The following SLC24A3 variants were observed in gnomAD, a reference collection of about 807,000 sequenced individuals.
SLC24A3 encodes sodium/potassium/calcium exchanger 3.
In SLC24A3, 28 loss-of-function variants were observed where a neutral mutation model predicts 75.8. That is an observed-to-expected ratio of 0.37 (90% confidence interval 0.27 to 0.51). The LOEUF is 0.51. Among genes scored for constraint, SLC24A3 ranks in the 20% least tolerant of loss-of-function variants. The pLI, the probability that SLC24A3 is intolerant of heterozygous loss-of-function variation, is 0.94. For missense variants in SLC24A3, 663 were observed against 847.8 expected (o/e 0.78, Z 2.71); for synonymous variants, 372 against 334.1 (o/e 1.11, Z -1.24).
chr20:19,525,735 C>T (rs567806124), intron 3 of SLC24A3, among the ~76,000 whole-genome samples: 3 of 152,154 alleles, frequency 2.0e-5, no homozygotes, highest in African/African-American at 7.2e-5. Context: ...CCTGTGACAA[C>T]ACACACCAGA....
At chr20:19,493,515 A>G (rs1025475929) in intron 2 of SLC24A3, among the ~76,000 whole-genome samples, 1 of 152,212 alleles carries the variant, frequency 6.6e-6, no homozygotes, top group African/African-American at 2.4e-5. Context: ...AATCATATGT[A>G]TGCTTCTTCA....
At chr20:19,651,422 C>T (rs1027151586) in intron 6 of SLC24A3, among the ~76,000 whole-genome samples, 20 of 143,560 alleles carry the variant, frequency 1.4e-4, no homozygotes, top group African/African-American at 4.6e-4. Flanking sequence ...TATATATCTG[C>T]TTTCCTCTCC....
chr20:19,638,824 C>A (rs1396897905), intron 6 of SLC24A3, among the ~76,000 whole-genome samples: 1 of 152,148 alleles, frequency 6.6e-6, no homozygotes, highest in Non-Finnish European at 1.5e-5. Flanking sequence ...CTTAAGTTGG[C>A]ACGTCTGGAG....
chr20:19,403,533 A>G (rs531604392), intron 2 of SLC24A3, among the ~76,000 whole-genome samples: 1 of 152,324 alleles, frequency 6.6e-6, no homozygotes, highest in Non-Finnish European at 1.5e-5. Flanking sequence ...CAATAATCAC[A>G]TTGATGTATT....
intron 2 of SLC24A3, among the ~76,000 whole-genome samples, chr20:19,492,673 T>C (rs1988225757): frequency 6.6e-6 from 1 of 152,234 alleles, no homozygotes; most frequent in Non-Finnish European, 1.5e-5. Context: ...AGAATTATTA[T>C]TTCCTGTATA....
chr20:19,561,680 C>T (rs1289871902), intron 3 of SLC24A3, among the ~76,000 whole-genome samples: 1 of 152,160 alleles, frequency 6.6e-6, no homozygotes, highest in Non-Finnish European at 1.5e-5. Flanking sequence ...AACTATCTAG[C>T]ACTTACTGAA....
intron 3 of SLC24A3, among the ~76,000 whole-genome samples, chr20:19,579,318 A>G (rs1318734108): frequency 6.6e-6 from 1 of 152,228 alleles, no homozygotes; most frequent in Non-Finnish European, 1.5e-5. Flanking sequence ...GTAGAATTCC[A>G]GGGAATACCC....
chr20:19,448,193 A>G (rs968972458), intron 2 of SLC24A3, among the ~76,000 whole-genome samples: 2 of 152,112 alleles, frequency 1.3e-5, no homozygotes, highest in African/African-American at 2.4e-5. Flanking sequence ...CAAACCCTCA[A>G]CGGTAGTTCA....
At chr20:19,380,104 A>G (rs546034853) in intron 2 of SLC24A3, among the ~76,000 whole-genome samples, 1 of 152,306 alleles carries the variant, frequency 6.6e-6, no homozygotes, top group African/African-American at 2.4e-5. Flanking sequence ...TATGCTTGCA[A>G]GTTTAGAAAA....
chr20:19,532,296 G>T (rs1351609831), intron 3 of SLC24A3, among the ~76,000 whole-genome samples: 1 of 152,154 alleles, frequency 6.6e-6, no homozygotes, highest in Non-Finnish European at 1.5e-5. Context: ...CTGGATACTT[G>T]CGGAAGGCCC....
At chr20:19,363,431 T>C (rs767074483) in intron 2 of SLC24A3, among the ~76,000 whole-genome samples, 2 of 152,242 alleles carry the variant, frequency 1.3e-5, no homozygotes, top group Non-Finnish European at 2.9e-5. Context: ...CTTAAGTTCA[T>C]TATCCAGAAT....
chr20:19,253,366 C>T (rs1015968578), intron 1 of SLC24A3, among the ~76,000 whole-genome samples: 8 of 152,190 alleles, frequency 5.3e-5, no homozygotes, highest in South Asian at 4.1e-4. Context: ...TGAAGGTGTG[C>T]GCAGCACAGG....
chr20:19,412,632 G>GA (rs1568611504), intron 2 of SLC24A3, among the ~76,000 whole-genome samples: 1 of 149,746 alleles, frequency 6.7e-6, no homozygotes, highest in Non-Finnish European at 1.5e-5. Context: ...GGAGGAGGAG[G>GA]GGGGGAGGAG....
At chr20:19,304,456 A>G (rs182800452) in intron 2 of SLC24A3, among the ~76,000 whole-genome samples, 1 of 152,266 alleles carries the variant, frequency 6.6e-6, no homozygotes, top group East Asian at 1.9e-4. Context: ...CCCTTCCAAG[A>G]CGTTCCATCT....
intron 2 of SLC24A3, among the ~76,000 whole-genome samples, chr20:19,514,009 G>A (rs1345374776): frequency 6.6e-6 from 1 of 152,190 alleles, no homozygotes; most frequent in Non-Finnish European, 1.5e-5. Context: ...TACTTTGGAA[G>A]GTGAGCCTTG....
intron 2 of SLC24A3, among the ~76,000 whole-genome samples, chr20:19,325,765 C>CATATAT (rs1491578632): frequency 2.0e-3 from 86 of 42,880 alleles, no homozygotes; most frequent in Non-Finnish European, 2.4e-3. Context: ...TACATACATA[C>CATATAT]ATATATATAT....
intron 1 of SLC24A3, among the ~76,000 whole-genome samples, chr20:19,214,904 A>G (rs1036270885): frequency 6.6e-6 from 1 of 151,898 alleles, no homozygotes; most frequent in African/African-American, 2.4e-5. Flanking sequence ...TGTTGGTCTT[A>G]GGACCCCTCC....
chr20:19,377,999 A>T (rs1986115599), intron 2 of SLC24A3, among the ~76,000 whole-genome samples: 1 of 152,184 alleles, frequency 6.6e-6, no homozygotes, highest in East Asian at 1.9e-4. Context: ...TTTTACAGAG[A>T]CTGATCCACC....
At chr20:19,591,183 C>T (rs1048826399) in intron 6 of SLC24A3, among the ~76,000 whole-genome samples, 4 of 152,164 alleles carry the variant, frequency 2.6e-5, no homozygotes, top group Admixed American at 6.5e-5. Flanking sequence ...ACAACTTCAC[C>T]CCAGATCTCT....
Sources: gnomAD v4.1 joint callset for allele counts (sites outside exome capture counted in the v4.1 genomes callset) on GRCh38, gnomAD v4.1.1 for gene constraint, MANE v1.5 for transcripts, NCBI Gene and HGNC (gene_info 2026-07-23, HGNC 2026-07-21) for gene names.